Variants in AGBL4 observed in about 807,000 individuals in gnomAD.
AGBL4 encodes AGBL carboxypeptidase 4.
Under a neutral mutation model 66.4 loss-of-function variants are expected in AGBL4, and 58 were observed. The observed-to-expected ratio is 0.87, with a 90% CI of 0.71 to 1.09. The LOEUF (loss-of-function observed/expected upper bound fraction) is 1.09. Ranked by LOEUF, AGBL4 falls within the 50% of genes least tolerant of loss-of-function variation. AGBL4 has a pLI of 0.00. For synonymous variants in AGBL4, 234 were observed against 222.9 expected (o/e 1.05, Z -0.44); for missense variants, 579 against 631.0 (o/e 0.92, Z 0.88).
chr1:49,480,687 G>A (rs930634145), intron 3 of AGBL4, among the ~76,000 whole-genome samples: 6 of 151,892 alleles, frequency 4.0e-5, no homozygotes, highest in African/African-American at 1.4e-4. Context: ...AATTCCTTTG[G>A]TGTCTTAATC....
At chr1:48,756,109 T>C (rs763376741) in intron 6 of AGBL4, among the ~76,000 whole-genome samples, 1 of 152,174 alleles carries the variant, frequency 6.6e-6, no homozygotes, top group South Asian at 2.1e-4. Context: ...ATGCGGTGTG[T>C]CACAAGGCTG....
At chr1:48,939,401 G>A (rs1047683339) in intron 5 of AGBL4, among the ~76,000 whole-genome samples, 6 of 152,272 alleles carry the variant, frequency 3.9e-5, no homozygotes, top group Admixed American at 3.3e-4. Flanking sequence ...CTTCAGTCCC[G>A]TTAATGGCAT....
intron 3 of AGBL4, among the ~76,000 whole-genome samples, chr1:49,595,210 T>C (rs1411998437): frequency 2.0e-5 from 3 of 152,134 alleles, no homozygotes; most frequent in African/African-American, 7.2e-5. Flanking sequence ...TGCATCAGCC[T>C]CCTGAGTAGT....
intron 5 of AGBL4, among the ~76,000 whole-genome samples, chr1:49,005,680 T>C (rs1054109670): frequency 6.6e-6 from 1 of 152,196 alleles, no homozygotes; most frequent in Non-Finnish European, 1.5e-5. Flanking sequence ...AAAAACATAG[T>C]ATATATAGGA....
intron 1 of AGBL4, among the ~76,000 whole-genome samples, chr1:49,885,753 C>T (rs1343593032): frequency 6.6e-6 from 1 of 152,010 alleles, no homozygotes; most frequent in Non-Finnish European, 1.5e-5. Flanking sequence ...CAAACAAATA[C>T]TATAGTCTCA....
intron 3 of AGBL4, among the ~76,000 whole-genome samples, chr1:49,665,888 G>C (rs1443340721): frequency 2.0e-5 from 3 of 148,896 alleles, no homozygotes; most frequent in Non-Finnish European, 4.4e-5. Flanking sequence ...GGTGCCTACA[G>C]TAGTCAATAA....
At chr1:49,695,354 G>A (rs1646963523) in intron 3 of AGBL4, among the ~76,000 whole-genome samples, 1 of 152,090 alleles carries the variant, frequency 6.6e-6, no homozygotes, top group South Asian at 2.1e-4. Flanking sequence ...AAATCTCATA[G>A]GGGTCCCAAA....
At chr1:49,043,036 A>G (rs1300022819) in intron 5 of AGBL4, among the ~76,000 whole-genome samples, 3 of 152,282 alleles carry the variant, frequency 2.0e-5, no homozygotes, top group Non-Finnish European at 2.9e-5. Flanking sequence ...GTTATGAGTA[A>G]TGAATGAACT....
intron 5 of AGBL4, among the ~76,000 whole-genome samples, chr1:49,038,449 G>A (rs1664838118): frequency 6.6e-6 from 1 of 151,832 alleles, no homozygotes; most frequent in African/African-American, 2.4e-5. Context: ...TTGATTCCCT[G>A]GGAATTAAGG....
chr1:48,832,295 T>C (rs893713418), intron 6 of AGBL4, among the ~76,000 whole-genome samples: 5 of 152,154 alleles, frequency 3.3e-5, no homozygotes, highest in African/African-American at 1.2e-4. Context: ...CATAGACTCA[T>C]AGTCACACAA....
At chr1:48,530,770 G>A (rs1643900268), downstream of AGBL4, among the ~76,000 whole-genome samples, 1 of 152,184 alleles carries the variant, frequency 6.6e-6, no homozygotes, top group Non-Finnish European at 1.5e-5. Context: ...GTTGAGACCT[G>A]TCATGATCCC....
At chr1:48,865,271 A>G (rs1171680538) in intron 6 of AGBL4, among the ~76,000 whole-genome samples, 2 of 152,168 alleles carry the variant, frequency 1.3e-5, no homozygotes, top group Non-Finnish European at 2.9e-5. Flanking sequence ...AGCATGATCC[A>G]ATGGTGCTTC....
At position 48,762,614 on chromosome 1, in the gene AGBL4, T is replaced by TTGTGTGTGTGTGTG. The variant is rs58396843; in HGVS notation, c.635-99387_635-99374dup. The stretch of plus-strand genomic sequence containing the variant: ...TAGTTAAATCCAGTCTTTAAGGGTT[T>TTGTGTGTGTGTGTG]TGTGTGTGTGTGTGTGTGTGTGTGT... On this transcript the variant is annotated intron_variant, in intron 6 of 13. Transcript: ENST00000371839. Among the ~76,000 whole-genome samples, 322 of 75,154 alleles carry TTGTGTGTGTGTGTG rather than the reference T, an allele frequency of 4.3e-3. 3 individuals are homozygous for TTGTGTGTGTGTGTG. The highest frequency in any genetic ancestry group is 0.012 in the African/African-American group (297 of 25,270). The allele number at this position is 75,154 out of a possible 152,430, so 49.3% of individuals were successfully genotyped here.
chr1:49,495,105 A>G (rs960263525), intron 3 of AGBL4, among the ~76,000 whole-genome samples: 1 of 152,034 alleles, frequency 6.6e-6, no homozygotes, highest in Non-Finnish European at 1.5e-5. Context: ...TGCAAATGGG[A>G]GGAATATGGA....
At chr1:49,200,529 G>T (rs1245841829) in intron 4 of AGBL4, among the ~76,000 whole-genome samples, 1 of 152,148 alleles carries the variant, frequency 6.6e-6, no homozygotes, top group Admixed American at 6.5e-5. Context: ...GATGCCAATC[G>T]AAAGCACAGG....
chr1:48,892,485 G>A (rs1310696375), intron 5 of AGBL4, among the ~76,000 whole-genome samples: 1 of 152,100 alleles, frequency 6.6e-6, no homozygotes, highest in African/African-American at 2.4e-5. Flanking sequence ...GCACAGCTTG[G>A]TTTTATACAT....
chr1:49,513,418 C>T (rs887393807), intron 3 of AGBL4, among the ~76,000 whole-genome samples: 1 of 151,910 alleles, frequency 6.6e-6, no homozygotes, highest in Non-Finnish European at 1.5e-5. Context: ...CTATCCCACT[C>T]CCTCCACCCT....
chr1:48,716,920 C>T (rs955093992), intron 6 of AGBL4, among the ~76,000 whole-genome samples: 1 of 152,200 alleles, frequency 6.6e-6, no homozygotes, highest in East Asian at 1.9e-4. Context: ...CACAGAAGTG[C>T]GTAGCACCAA....
chr1:48,638,440 C>T (rs1480269973), intron 8 of AGBL4, among the ~76,000 whole-genome samples: 1 of 152,226 alleles, frequency 6.6e-6, no homozygotes, highest in African/African-American at 2.4e-5. Context: ...GGATTGCATA[C>T]ATGAATTAAT....
Sources: allele counts gnomAD v4.1 joint callset (sites outside exome capture counted in the v4.1 genomes callset), GRCh38; gene constraint gnomAD v4.1.1; transcripts MANE v1.5; gene names NCBI Gene and HGNC (gene_info 2026-07-23, HGNC 2026-07-21).